DAB2IP: variants seen among roughly 807,000 people sequenced by gnomAD.
The protein encoded by DAB2IP is disabled homolog 2-interacting protein.
DAB2IP carries 28 observed loss-of-function variants against 107.2 expected under a neutral mutation model. The observed-to-expected ratio is 0.26, with a 90% CI of 0.19 to 0.36. DAB2IP has a LOEUF of 0.36. Ranked by LOEUF, DAB2IP falls within the 10% of genes least tolerant of loss-of-function variation. DAB2IP has a pLI of 1.00. For synonymous variants in DAB2IP, 755 were observed against 706.4 expected, an observed-to-expected ratio of 1.07 and a Z score of -1.09; for missense variants, 1,400 against 1,644.7, an observed-to-expected ratio of 0.85 and a Z score of 2.57.
chr9:121,654,642 G>A (rs56299047), intron 1 of DAB2IP, among the ~76,000 whole-genome samples: 3,737 of 152,194 alleles, frequency 0.025, 163 homozygotes, highest in African/African-American at 0.086. Flanking sequence ...CACCACCTGA[G>A]GGCAGGGCCC....
intron 1 of DAB2IP, among the ~76,000 whole-genome samples, chr9:121,574,468 C>G (rs532646263): frequency 1.3e-5 from 2 of 152,266 alleles, no homozygotes; most frequent in African/African-American, 2.4e-5. Context: ...CACATTCATA[C>G]CTGGAGCCCT....
Position 121,692,138 on chromosome 9 carries a change from C to T in DAB2IP, c.229-7187C>T, listed in dbSNP as rs139470624. On this transcript the variant is annotated intron_variant, in intron 2 of 15. Transcript: ENST00000408936. ...CCTGTCCTGGTTGTGAATGTGAGCACGTGAGGGCCAGCGTGTTTAGCTTGT... is the reference window on the plus strand; with the variant it reads ...CCTGTCCTGGTTGTGAATGTGAGCATGTGAGGGCCAGCGTGTTTAGCTTGT... 3.1e-4 allele frequency among the ~76,000 whole-genome samples: 47 copies of T among 152,292 alleles called. No homozygotes were observed. In the East Asian group the frequency reaches 5.0e-3, roughly 16 times the overall value.
At chr9:121,644,568 G>A (rs1021747546) in intron 1 of DAB2IP, among the ~76,000 whole-genome samples, 1 of 151,910 alleles carries the variant, frequency 6.6e-6, no homozygotes, top group African/African-American at 2.4e-5. Context: ...TTGCACTTCA[G>A]CCTGGGCTTG....
rs1476740809 is a variant in DAB2IP, at chr9:121,702,013, GGGGGCTTCTAGGGT to G, written c.362+2557_362+2570del. On this transcript the variant is annotated intron_variant, in intron 3 of 15. Coordinates refer to ENST00000408936, the Ensembl canonical transcript of DAB2IP. This position sits in a 1 kb window ranked among gnomAD's most constrained non-coding sequence, Gnocchi z 4.5. ...GTGGGACACGAGTGGGAAGGACGGT[GGGGGCTTCTAGGGT>G]GTCGAGCGGGAGTCCTGGTCCCCAT... 2.0e-5 allele frequency among the ~76,000 whole-genome samples: 3 copies of G among 152,202 alleles called. No homozygotes were observed. The East Asian group carries it at 5.8e-4, about 29-fold the overall frequency.
rs1564123570 is a variant in DAB2IP at position 121,633,507 on chromosome 9, GT to G, written c.41-45169del. Among the ~76,000 whole-genome samples the G allele has an allele frequency of 6.6e-6, 1 of 152,206 alleles. No individual in the cohort carries two copies. Among genetic ancestry groups the G allele is most frequent in the Non-Finnish European group, 1.5e-5 (1 of 68,038 alleles). On this transcript the variant is annotated intron_variant, in intron 1 of 16. Transcript: ENST00000259371. The surrounding 1 kb of genome is among the most constrained non-coding windows in gnomAD (Gnocchi z 5.1). Reference sequence around the variant, plus strand: ...GTACGTTTCAGCAAGAGAGATGTAGGTTAGATAGGAGGAAGAACTTCCTGGC... The same window carrying G: ...GTACGTTTCAGCAAGAGAGATGTAGGTAGATAGGAGGAAGAACTTCCTGGC...
At chr9:121,619,115 A>G (rs1416216218) in intron 1 of DAB2IP, among the ~76,000 whole-genome samples, 1 of 152,062 alleles carries the variant, frequency 6.6e-6, no homozygotes, top group Non-Finnish European at 1.5e-5. Context: ...TGGCACTCTG[A>G]TGGCTCCAGG....
At chr9:121,783,400 G>A in exon 16 of DAB2IP, 1 of 1,581,528 alleles carries the variant, frequency 6.3e-7, no homozygotes, top group Non-Finnish European at 8.6e-7. Flanking sequence ...GGGCACAGTG[G>A]TCCTGTAGGG....
intron 1 of DAB2IP, among the ~76,000 whole-genome samples, chr9:121,614,337 C>CTTTTTTTTTTT (rs35959966): frequency 2.5e-4 from 26 of 102,730 alleles, no homozygotes; most frequent in African/African-American, 3.8e-4. Context: ...TCTTTCTTTT[C>CTTTTTTTTTTT]TTTTTTTTTT....
At chr9:121,576,462 A>T (rs1015771402) in intron 1 of DAB2IP, among the ~76,000 whole-genome samples, 2 of 151,240 alleles carry the variant, frequency 1.3e-5, no homozygotes, top group African/African-American at 4.9e-5. Flanking sequence ...CCCATCCTGA[A>T]GTCTCAGCTC....
intron 3 of DAB2IP, among the ~76,000 whole-genome samples, chr9:121,723,534 G>C (rs1266052268): frequency 6.6e-6 from 1 of 152,212 alleles, no homozygotes; most frequent in Non-Finnish European, 1.5e-5. Context: ...GCTCAGGGGA[G>C]CCCTGGAGGA....
chr9:121,759,911 C>T (rs267602114), exon 6 of DAB2IP: 1 of 1,613,970 alleles, frequency 6.2e-7, no homozygotes, highest in Non-Finnish European at 8.5e-7. Flanking sequence ...TGGAGCACAT[C>T]CTGAAGCTGT....
chr9:121,684,434 G>C lies in DAB2IP; in HGVS notation c.228+5653G>C, dbSNP rs1464672579. On this transcript the variant is annotated intron_variant, in intron 2 of 15. Coordinates refer to ENST00000408936, the Ensembl canonical transcript of DAB2IP. The surrounding 1 kb of genome is among the most constrained non-coding windows in gnomAD (Gnocchi z 4.0). Reference sequence around the variant, plus strand: ...CCTGGATATCAGCCACCCCGTCTGAGCTGAGCCCTTCTCCCAGCCCCCATC... The same window carrying C: ...CCTGGATATCAGCCACCCCGTCTGACCTGAGCCCTTCTCCCAGCCCCCATC... Among the ~76,000 whole-genome samples the C allele has an allele frequency of 6.6e-6, 1 of 152,176 alleles. No individual in the cohort carries two copies. Among genetic ancestry groups the C allele is most frequent in the African/African-American group, 2.4e-5 (1 of 41,442 alleles).
At chr9:121,779,368 C>T (rs967580710) in intron 14 of DAB2IP, among the ~76,000 whole-genome samples, 1 of 152,182 alleles carries the variant, frequency 6.6e-6, no homozygotes, top group Non-Finnish European at 1.5e-5. Flanking sequence ...TCTGTTTTTA[C>T]TGATTTATTT....
intron 1 of DAB2IP, among the ~76,000 whole-genome samples, chr9:121,677,632 A>C (rs1341063855): frequency 6.6e-6 from 1 of 152,118 alleles, no homozygotes; most frequent in South Asian, 2.1e-4. Flanking sequence ...AGCCCACTAC[A>C]TTACAAGGAG....
At chr9:121,642,825 G>A (rs1351761954) in intron 1 of DAB2IP, among the ~76,000 whole-genome samples, 2 of 152,122 alleles carry the variant, frequency 1.3e-5, no homozygotes, top group African/African-American at 2.4e-5. Flanking sequence ...GCGCTATGTG[G>A]AAGAAAATAA....
intron 3 of DAB2IP, chr9:121,752,936 A>G (rs1355570302): frequency 6.6e-6 from 1 of 152,184 alleles, no homozygotes; most frequent in Non-Finnish European, 1.5e-5. Flanking sequence ...TGTCGCAGCA[A>G]CACTAGATCA....
intron 2 of DAB2IP, among the ~76,000 whole-genome samples, chr9:121,691,846 T>C (rs1305745789): frequency 6.6e-6 from 1 of 152,224 alleles, no homozygotes; most frequent in Non-Finnish European, 1.5e-5. Flanking sequence ...AACAGTGGAA[T>C]TTCAGCTGTA....
intron 2 of DAB2IP, among the ~76,000 whole-genome samples, chr9:121,680,781 C>T (rs796635901): frequency 5.6e-5 from 8 of 141,832 alleles, no homozygotes; most frequent in East Asian, 2.1e-4. Flanking sequence ...CTTGCTTTGT[C>T]GCCCAGGCTG....
chr9:121,728,303 G>C (rs752114503), intron 3 of DAB2IP, among the ~76,000 whole-genome samples: 1 of 152,146 alleles, frequency 6.6e-6, no homozygotes, highest in Non-Finnish European at 1.5e-5. Context: ...CAGTTTTGGA[G>C]TAACACCCTG....
Sources: gnomAD v4.1 joint callset for allele counts (sites outside exome capture counted in the v4.1 genomes callset) on GRCh38, gnomAD v4.1.1 for gene constraint, Gnocchi (gnomAD v3.1) non-coding constraint, MANE v1.5 for transcripts, NCBI Gene and HGNC (gene_info 2026-07-23, HGNC 2026-07-21) for gene names.